Variants in CSGALNACT1 observed in about 807,000 individuals in gnomAD.
CSGALNACT1 encodes beta4GalNAcT-1.
A neutral mutation model predicts 51.0 loss-of-function variants in CSGALNACT1; 52 were observed. The observed-to-expected ratio is 1.02, with a 90% CI of 0.82 to 1.29. The LOEUF (loss-of-function observed/expected upper bound fraction) is 1.29, where lower values mean the gene tolerates loss of function less well. CSGALNACT1 is among the 50% of genes most tolerant of loss of function. The probability of loss-of-function intolerance (pLI) is 0.00; values close to 1 mark genes in which losing one functional copy is unlikely to be tolerated. For missense variants in CSGALNACT1, 935 were observed against 679.2 expected, an observed-to-expected ratio of 1.38 and a Z score of -4.19; for synonymous variants, 341 against 254.4, an observed-to-expected ratio of 1.34 and a Z score of -3.24.
chr8:19,712,247 G>C (rs542002741), intron 1 of CSGALNACT1, among the ~76,000 whole-genome samples: 8 of 152,044 alleles, frequency 5.3e-5, no homozygotes, highest in African/African-American at 1.4e-4. Flanking sequence ...GGATGGTCTC[G>C]ATCTCCTGAC....
intron 7 of CSGALNACT1, among the ~76,000 whole-genome samples, chr8:19,420,045 G>A (rs1226589144): frequency 6.6e-6 from 1 of 152,204 alleles, no homozygotes; most frequent in East Asian, 1.9e-4. Flanking sequence ...CTGCTGCCAT[G>A]ATAGACTTCC....
intron 3 of CSGALNACT1, among the ~76,000 whole-genome samples, chr8:19,513,078 C>G (rs2078753634): frequency 1.3e-5 from 2 of 152,100 alleles, no homozygotes; most frequent in South Asian, 4.1e-4. Flanking sequence ...TCATCTTCTG[C>G]CATTGACTCA....
intron 1 of CSGALNACT1, among the ~76,000 whole-genome samples, chr8:19,640,091 T>A (rs1298311376): frequency 1.3e-5 from 2 of 151,984 alleles, no homozygotes; most frequent in Non-Finnish European, 2.9e-5. Flanking sequence ...GACCTTTCAA[T>A]GTTCAATGCA....
At chr8:19,620,637 G>T (rs750843970) in intron 1 of CSGALNACT1, among the ~76,000 whole-genome samples, 2 of 152,068 alleles carry the variant, frequency 1.3e-5, no homozygotes, top group Admixed American at 6.5e-5. Flanking sequence ...GTCTCACTAC[G>T]TTGCCCAGGT....
chr8:19,463,292 C>A (rs190307600), intron 4 of CSGALNACT1, among the ~76,000 whole-genome samples: 1 of 152,106 alleles, frequency 6.6e-6, no homozygotes, highest in African/African-American at 2.4e-5. Context: ...CTTTTAAAAA[C>A]GTTATTTAAA....
intron 1 of CSGALNACT1, among the ~76,000 whole-genome samples, chr8:19,647,003 T>G (rs1231114071): frequency 3.9e-5 from 6 of 152,168 alleles, no homozygotes; most frequent in Non-Finnish European, 7.4e-5. Flanking sequence ...TGGTGAAAGC[T>G]ACACGGCTGA....
At chr8:19,681,170 G>C (rs372089114) in intron 1 of CSGALNACT1, among the ~76,000 whole-genome samples, 4 of 152,216 alleles carry the variant, frequency 2.6e-5, no homozygotes, top group East Asian at 1.9e-4. Context: ...TACTAGGAAA[G>C]CATCTCCCAC....
At chr8:19,690,742 G>T (rs61232961) in intron 1 of CSGALNACT1, among the ~76,000 whole-genome samples, 1 of 152,112 alleles carries the variant, frequency 6.6e-6, no homozygotes, top group Non-Finnish European at 1.5e-5. Context: ...GGAAGGAGGG[G>T]GTGTGTTATC....
At chr8:19,519,227 G>T (rs2080161730) in intron 3 of CSGALNACT1, among the ~76,000 whole-genome samples, 1 of 152,102 alleles carries the variant, frequency 6.6e-6, no homozygotes, top group African/African-American at 2.4e-5. Context: ...GAGAATCCTT[G>T]GACCTTCTCC....
chr8:19,440,014 C>T (rs1185697915), intron 5 of CSGALNACT1, 83 bp from the exon 5 acceptor site: 7 of 1,164,294 alleles, frequency 6.0e-6, no homozygotes, highest in African/African-American at 3.0e-5. Flanking sequence ...TTGTAAAGTG[C>T]AAAAGGGTCT....
chr8:19,429,322 G>A (rs2059299196), intron 6 of CSGALNACT1, among the ~76,000 whole-genome samples: 1 of 152,134 alleles, frequency 6.6e-6, no homozygotes, highest in South Asian at 2.1e-4. Flanking sequence ...GATTACAGGT[G>A]TGAGCCACCA....
At chr8:19,411,561 G>C (rs888341986) in intron 8 of CSGALNACT1, among the ~76,000 whole-genome samples, 1 of 152,208 alleles carries the variant, frequency 6.6e-6, no homozygotes, top group Non-Finnish European at 1.5e-5. Flanking sequence ...AAATGCAGTG[G>C]TGAGAACCTC....
At chr8:19,682,821 A>G (rs73599292), upstream of CSGALNACT1, 43,829 of 442,532 alleles carry the variant, frequency 0.099, 2,473 homozygotes, top group Non-Finnish European at 0.12. Context: ...AGATAACACT[A>G]TCCTGTTCTG....
In CSGALNACT1 at chr8:19,608,183, C is replaced by T. The variant is rs544716129; in HGVS notation, c.-543-6318G>A. On this transcript the variant is annotated intron_variant, in intron 1 of 9. Coordinates refer to the CSGALNACT1 transcript ENST00000332246. Reference sequence around the variant, plus strand: ...TTCATTCAGAAAAGTAAACTCACCCCCAAAGATGATACAATGATCAAGAAT... The same window carrying T: ...TTCATTCAGAAAAGTAAACTCACCCTCAAAGATGATACAATGATCAAGAAT... Among the ~76,000 whole-genome samples, 14 of 152,302 alleles carry T rather than the reference C, an allele frequency of 9.2e-5. No homozygotes were observed. In the South Asian group the frequency reaches 2.9e-3, roughly 32 times the overall value.
At chr8:19,707,451 C>T (rs1246581751) in intron 1 of CSGALNACT1, among the ~76,000 whole-genome samples, 1 of 152,030 alleles carries the variant, frequency 6.6e-6, no homozygotes, top group Non-Finnish European at 1.5e-5. Flanking sequence ...AGTCATTGAT[C>T]AAAAGGAAGG....
At chr8:19,549,684 G>A (rs1338638215) in intron 3 of CSGALNACT1, among the ~76,000 whole-genome samples, 8 of 100,734 alleles carry the variant, frequency 7.9e-5, no homozygotes, top group East Asian at 5.2e-4. Flanking sequence ...TTTTTTTGGC[G>A]TATTCACTCA....
intron 3 of CSGALNACT1, among the ~76,000 whole-genome samples, chr8:19,539,926 G>A (rs2084698051): frequency 6.6e-6 from 1 of 152,182 alleles, no homozygotes; most frequent in Admixed American, 6.5e-5. Flanking sequence ...TTCTGCCTGA[G>A]AGGAGTTGGG....
chr8:19,547,709 ATAAAG>A (rs929640815), intron 3 of CSGALNACT1, among the ~76,000 whole-genome samples: 1 of 152,240 alleles, frequency 6.6e-6, no homozygotes, highest in Non-Finnish European at 1.5e-5. Context: ...GTAGAATACA[ATAAAG>A]TATACTCTAG....
At chr8:19,732,063 C>A (rs2154246219) in intron 1 of CSGALNACT1, among the ~76,000 whole-genome samples, 1 of 152,276 alleles carries the variant, frequency 6.6e-6, no homozygotes, top group Admixed American at 6.5e-5. Flanking sequence ...AATTCTAAAT[C>A]CTCCAAGTTA....
Sources: gnomAD v4.1 joint callset for allele counts (sites outside exome capture counted in the v4.1 genomes callset) on GRCh38, gnomAD v4.1.1 for gene constraint, MANE v1.5 for transcripts, NCBI Gene and HGNC (gene_info 2026-07-23, HGNC 2026-07-21) for gene names.